The following NSRP1 variants were observed in gnomAD, a reference collection of about 807,000 sequenced individuals.
NSRP1 encodes the protein coiled-coil domain containing 55.
NSRP1 carries 24 observed loss-of-function variants against 54.7 expected under a neutral mutation model. That is an observed-to-expected ratio of 0.44 (90% CI 0.32 to 0.62). The LOEUF (loss-of-function observed/expected upper bound fraction) is 0.62, where lower values mean the gene tolerates loss of function less well. Among genes scored for constraint, NSRP1 ranks in the 20% least tolerant of loss-of-function variants. NSRP1 has a pLI of 0.06. For synonymous variants in NSRP1, 210 were observed against 213.8 expected (o/e 0.98, Z 0.15); for missense variants, 596 against 651.2 (o/e 0.92, Z 0.92).
chr17:30,118,765 T>C (rs76453395), intron 2 of NSRP1, among the ~76,000 whole-genome samples: 1 of 151,770 alleles, frequency 6.6e-6, no homozygotes, highest in Non-Finnish European at 1.5e-5. Flanking sequence ...TTTTTTTTTT[T>C]TGAAACAGTG....
intron 2 of NSRP1, chr17:30,150,016 C>G (rs2071891337): frequency 6.6e-6 from 1 of 152,158 alleles, no homozygotes; most frequent in Admixed American, 6.5e-5. Context: ...TATGTCTCTA[C>G]AGATTTACCT....
chr17:30,126,391 C>A (rs1411698844), intron 2 of NSRP1, among the ~76,000 whole-genome samples: 1 of 152,168 alleles, frequency 6.6e-6, no homozygotes, highest in Non-Finnish European at 1.5e-5. Context: ...CAAAACCCAG[C>A]GCAAAAGCTA....
chr17:30,138,713 T>C (rs2071771570), intron 2 of NSRP1, among the ~76,000 whole-genome samples: 1 of 151,968 alleles, frequency 6.6e-6, no homozygotes, highest in Non-Finnish European at 1.5e-5. Flanking sequence ...GATCATATAG[T>C]AATTCTGTGT....
chr17:30,185,185 A>G lies in NSRP1; in HGVS notation c.1188A>G (p.Arg396=). The G allele has an allele frequency of 1.3e-6, 2 of 1,573,798 alleles. No individual in the cohort carries two copies. The highest frequency in any genetic ancestry group is 2.3e-5 in the South Asian group (2 of 86,740). ...CCCAAAGAGAACAAGAAAGAGATAG[A>G]CAACAAAATGATCAGAACCGACCCA... ...KYSQREQERD[R]QQNDQNRPSE... is the part of the protein sequence containing the mutation. Residue 396 remains arginine (R), a synonymous_variant, in exon 7 of 7, where the codon AGA becomes AGG. Transcript: ENST00000247026.
At chr17:30,172,801 G>T (rs1229612716) in intron 3 of NSRP1, among the ~76,000 whole-genome samples, 1 of 151,770 alleles carries the variant, frequency 6.6e-6, no homozygotes, top group Non-Finnish European at 1.5e-5. Context: ...GGATTGTTTG[G>T]CCTGTTGTTA....
intron 2 of NSRP1, among the ~76,000 whole-genome samples, chr17:30,135,578 A>G (rs1235111903): frequency 6.6e-6 from 1 of 151,612 alleles, no homozygotes. Context: ...GGTTCACGCC[A>G]TTCTCCTGCC....
rs2071537620 is a variant in NSRP1 at position 30,116,876 on chromosome 17, G to C, written c.20+13G>C. ...TTCCGGGCAGGCAGTGAGTGATCCG[G>C]GAGTTAGGGTCAGGCTGGGGGATGA... On this transcript the variant is annotated intron_variant, in intron 1 of 6. Transcript: ENST00000247026. 1 of 1,571,380 alleles carries C rather than the reference G, an allele frequency of 6.4e-7. No individual in the cohort carries two copies. Among genetic ancestry groups the C allele is most frequent in the Non-Finnish European group, 8.6e-7 (1 of 1,157,802 alleles).
chr17:30,138,582 C>T (rs1283490023), intron 2 of NSRP1, among the ~76,000 whole-genome samples: 1 of 152,122 alleles, frequency 6.6e-6, no homozygotes, highest in East Asian at 1.9e-4. Context: ...TATACATCTT[C>T]AGTACAGGCA....
Position 30,178,152 on chromosome 17 carries a change from A to G in NSRP1, c.253A>G (p.Lys85Glu). 1 of 1,610,446 alleles carries G rather than the reference A, an allele frequency of 6.2e-7. No individual in the cohort carries two copies. Among genetic ancestry groups the G allele is most frequent in the Non-Finnish European group, 8.5e-7 (1 of 1,179,080 alleles). Residue 85 changes from lysine to glutamate, a missense_variant, in exon 4 of 7, where the codon AAA becomes GAA. Physicochemically the swap from Lys to Glu is moderately conservative, Grantham distance 56. Coordinates refer to ENST00000247026, the MANE Select transcript of NSRP1 (RefSeq NM_032141.4). ...YDSIYDEMQKKKEENNPKLLL... is the reference protein window; with the variant it reads ...YDSIYDEMQKEKEENNPKLLL... ...CAGTATTTATGATGAAATGCAGAAA[A>G]AAAAGGAGGAAAATAATCCCAAATT...
At chr17:30,176,949 A>T (rs1441582001) in intron 3 of NSRP1, among the ~76,000 whole-genome samples, 3 of 152,206 alleles carry the variant, frequency 2.0e-5, no homozygotes, top group Non-Finnish European at 4.4e-5. Flanking sequence ...CTATCACTTA[A>T]AAAGGATCCC....
At chr17:30,137,553 G>A (rs1477091687) in intron 2 of NSRP1, among the ~76,000 whole-genome samples, 2 of 152,232 alleles carry the variant, frequency 1.3e-5, no homozygotes, top group African/African-American at 4.8e-5. Context: ...CGTCCACAAT[G>A]GACATGTAGC....
chr17:30,143,714 A>C (rs2071826863), intron 2 of NSRP1, among the ~76,000 whole-genome samples: 1 of 152,172 alleles, frequency 6.6e-6, no homozygotes, highest in Admixed American at 6.5e-5. Context: ...ATTGGAAAAC[A>C]TGTCATTAAT....
intron 1 of NSRP1, chr17:30,117,601 A>T (rs1320623669): frequency 5.5e-6 from 2 of 361,522 alleles, no homozygotes; most frequent in Non-Finnish European, 9.8e-6. Context: ...TCTTTTAAAA[A>T]TTTTCGTGAG....
At chr17:30,172,014 T>TCTCTCACA (rs144705088) in intron 2 of NSRP1, among the ~76,000 whole-genome samples, 3,233 of 130,942 alleles carry the variant, frequency 0.025, 126 homozygotes, top group East Asian at 0.089. Context: ...TCTCTCTCTC[T>TCTCTCACA]CACATGTTCA....
chr17:30,121,570 G>GTTTT (rs36072997), intron 2 of NSRP1, among the ~76,000 whole-genome samples: 2 of 132,782 alleles, frequency 1.5e-5, no homozygotes, highest in Non-Finnish European at 1.6e-5. Context: ...GTGTGTGTGT[G>GTTTT]TTTTTTTTTT....
rs1904592083 is a variant in NSRP1 at position 30,163,192 on chromosome 17, TGTGTGTGTGTGTGTGTG to T, written c.115-9349_115-9333del. The T allele has an allele frequency of 4.6e-4, 4 of 8,790 alleles. No individual in the cohort carries two copies. In the South Asian group the frequency reaches 0.012, roughly 27 times the overall value. The allele number at this position is 8,790 out of a possible 1,614,324, so 0.5% of individuals were successfully genotyped here. A position where few individuals can be genotyped will look rare whatever the true frequency, so the allele number is the denominator to read the frequency against. On this transcript the variant is annotated intron_variant, in intron 2 of 6. Transcript: ENST00000247026. ...GTACCACCACATCCGGCTAATTTTG[TGTGTGTGTGTGTGTGTG>T]TGTGTGTGTGTGTGTGTGTGTGTGT...
intron 5 of NSRP1, among the ~76,000 whole-genome samples, chr17:30,180,507 A>T (rs546123616): frequency 6.6e-6 from 1 of 152,358 alleles, no homozygotes; most frequent in African/African-American, 2.4e-5. Context: ...CTGTCTAAGC[A>T]TGTACTATGT....
chr17:30,160,226 A>G (rs997268613), intron 2 of NSRP1, among the ~76,000 whole-genome samples: 2 of 152,104 alleles, frequency 1.3e-5, no homozygotes, highest in African/African-American at 2.4e-5. Context: ...AGACTTTTGC[A>G]TCTGTGTTCA....
intron 2 of NSRP1, among the ~76,000 whole-genome samples, chr17:30,148,478 CAGG>C (rs1261583067): frequency 2.0e-5 from 3 of 152,272 alleles, no homozygotes; most frequent in East Asian, 3.9e-4. Flanking sequence ...CATTTACTGA[CAGG>C]AGAAGACATG....
Sources: gnomAD v4.1 joint callset for allele counts (sites outside exome capture counted in the v4.1 genomes callset) on GRCh38, gnomAD v4.1.1 for gene constraint, MANE v1.5 for transcripts, NCBI Gene and HGNC (gene_info 2026-07-23, HGNC 2026-07-21) for gene names.